The following CACNA1A variants were observed in gnomAD, a reference collection of about 807,000 sequenced individuals.
CACNA1A encodes the protein voltage-dependent P/Q-type calcium channel subunit alpha-1A.
Under a neutral mutation model 262.4 loss-of-function variants are expected in CACNA1A, and 57 were observed. The ratio of observed to expected loss-of-function variants is 0.22; its 90% confidence interval spans 0.18 to 0.27. The LOEUF is 0.27. CACNA1A is among the 10% of genes least tolerant of loss of function. The probability of loss-of-function intolerance (pLI) is 1.00; values close to 1 mark genes in which losing one functional copy is unlikely to be tolerated. For synonymous variants in CACNA1A, 1,431 were observed against 1,419.3 expected, an observed-to-expected ratio of 1.01 and a Z score of -0.18; for missense variants, 2,526 against 3,562.8, an observed-to-expected ratio of 0.71 and a Z score of 7.41.
At chr19:13,472,808 C>A (rs888974136) in intron 1 of CACNA1A, among the ~76,000 whole-genome samples, 1 of 152,168 alleles carries the variant, frequency 6.6e-6, no homozygotes, top group African/African-American at 2.4e-5. Flanking sequence ...TGCAGTGGTG[C>A]AATCATACCC....
At chr19:13,460,374 C>T (rs1488162496) in intron 1 of CACNA1A, among the ~76,000 whole-genome samples, 2 of 152,158 alleles carry the variant, frequency 1.3e-5, no homozygotes, top group Non-Finnish European at 2.9e-5. Flanking sequence ...AAGCTTTCTC[C>T]TCCACGTTCT....
intron 1 of CACNA1A, among the ~76,000 whole-genome samples, chr19:13,488,064 G>C (rs1980249461): frequency 6.6e-6 from 1 of 152,134 alleles, no homozygotes; most frequent in South Asian, 2.1e-4. Flanking sequence ...ATAGGTGTGA[G>C]CCACTGCATC....
In CACNA1A at chr19:13,253,050, C is replaced by T. The variant is rs943715197; in HGVS notation, c.4807G>A (p.Val1603Ile). Residue 1603 changes from valine to isoleucine, a missense_variant, in exon 30 of 47, where the codon GTC becomes ATC. Transcript: ENST00000360228. ...TCCAGAGAGAAGAGGGAGGTGAAGA[C>T]GATGTTGAACACCCGCAGGGCATTT... ...YENALRVFNI[V>I]FTSLFSLECV... is the part of the protein sequence containing the mutation. 9 of 1,613,586 alleles carry T rather than the reference C, an allele frequency of 5.6e-6. No homozygotes were observed. The highest frequency in any genetic ancestry group is 2.2e-5 in the South Asian group (2 of 91,078).
intron 3 of CACNA1A, among the ~76,000 whole-genome samples, chr19:13,418,373 C>A (rs58261828): frequency 6.6e-6 from 1 of 152,066 alleles, no homozygotes; most frequent in Admixed American, 6.6e-5. Flanking sequence ...GAATTCAAAG[C>A]GCATTCTGGC....
rs2058775223 is a variant in CACNA1A at position 13,346,639 on chromosome 19, TATATATATATATATATATATATA to T, written c.979-10753_979-10731del. Among the ~76,000 whole-genome samples the T allele has an allele frequency of 5.3e-3, 47 of 8,842 alleles. 3 individuals carry two copies. The highest frequency in any genetic ancestry group is 6.7e-3 in the Non-Finnish European group (30 of 4,460). The allele number at this position is 8,842 out of a possible 152,430, so 5.8% of individuals were successfully genotyped here. On this transcript the variant is annotated intron_variant, in intron 6 of 46. Transcript: ENST00000360228. ...GATTATATATATATATATATATATA[TATATATATATATATATATATATA>T]TATATTTTTTTTTTTTTTTTTTTTT...
intron 31 of CACNA1A, among the ~76,000 whole-genome samples, chr19:13,242,758 G>A (rs2056113563): frequency 6.6e-6 from 1 of 152,208 alleles, no homozygotes; most frequent in Non-Finnish European, 1.5e-5. Context: ...GGTGCTCAAT[G>A]AATGTCTTTT....
chr19:13,227,327 AAG>A (rs1407366591), intron 37 of CACNA1A, 102 bp downstream of exon 37: 3 of 540,764 alleles, frequency 5.5e-6, no homozygotes, highest in South Asian at 5.5e-5. Context: ...ACGTTGGAAA[AAG>A]AGAGTCGGCC....
chr19:13,278,768 G>A (rs1432559926), intron 22 of CACNA1A, among the ~76,000 whole-genome samples: 1 of 152,204 alleles, frequency 6.6e-6, no homozygotes, highest in Non-Finnish European at 1.5e-5. Flanking sequence ...GCTGTACTGG[G>A]TCCTGGAGGA....
rs149010388 is a variant in CACNA1A, at chr19:13,479,285, A to T, written c.294-24073T>A. 2.1e-3 allele frequency among the ~76,000 whole-genome samples: 313 copies of T among 152,306 alleles called. 4 individuals carry two copies. Among genetic ancestry groups the T allele is most frequent in the African/African-American group, 7.3e-3 (305 of 41,570 alleles). On this transcript the variant is annotated intron_variant, in intron 1 of 46. Transcript: ENST00000360228. ...GTAAGTAAGAAGGTGAAAAGTTCCA[A>T]AGGGGAAAATAAGGCAGAAGGGCGG...
chr19:13,451,839 T>A, intron 3 of CACNA1A: 1 of 146,614 alleles, frequency 6.8e-6, no homozygotes. Context: ...GCCTGTCAAC[T>A]AGGAACAATT....
At chr19:13,262,458 C>A in intron 25 of CACNA1A, 1 of 365,064 alleles carries the variant, frequency 2.7e-6, no homozygotes, top group South Asian at 4.5e-5. Context: ...CCTTTTAAAT[C>A]CATATGATGC....
chr19:13,224,824 C>T, intron 37 of CACNA1A, 52 bp from the exon 38 acceptor site: 1 of 1,361,484 alleles, frequency 7.3e-7, no homozygotes, highest in Non-Finnish European at 1.0e-6. Flanking sequence ...CCTCCTGGGT[C>T]TCCCGTGAGC....
intron 10 of CACNA1A, among the ~76,000 whole-genome samples, chr19:13,323,054 T>C (rs923082982): frequency 1.3e-5 from 2 of 152,118 alleles, no homozygotes; most frequent in African/African-American, 4.8e-5. Context: ...GGCAGATCAT[T>C]TGAGGTCAGG....
chr19:13,212,048 C>G lies in CACNA1A; in HGVS notation c.6303+55G>C, dbSNP rs1455218700. 4 of 1,320,666 alleles carry G rather than the reference C, an allele frequency of 3.0e-6. No individual in the cohort carries two copies. The African/African-American group carries it at 5.7e-5, about 19-fold the overall frequency. The allele number at this position is 1,320,666 out of a possible 1,614,324, so 81.8% of individuals were successfully genotyped here. ...TGGGCTGCTTGTGGGGGGGCCTGGC[C>G]CTACCCAGTGCAGAGTGAGGGGTCC... is the stretch of plus-strand genomic sequence containing the variant. On this transcript the variant is annotated intron_variant, in intron 43 of 46. Transcript: ENST00000360228. This position sits in a 1 kb window ranked among gnomAD's most constrained non-coding sequence, Gnocchi z 5.6.
In CACNA1A at chr19:13,286,810, G is replaced by A. The variant is rs556541935; in HGVS notation, c.3246C>T (p.His1082=). ...KLATAESAAP[H]GSLGHAGLPQ... ...GCAGGCCGGCGTGGCCAAGGCTGCC[G>A]TGGGGAGCGGCCGACTCCGCGGTGG... Residue 1082 remains histidine (H), a synonymous_variant, in exon 20 of 47, where the codon CAC becomes CAT. Transcript: ENST00000360228. The A allele has an allele frequency of 9.6e-5, 155 of 1,613,504 alleles. No individual in the cohort carries two copies. The highest frequency in any genetic ancestry group is 1.2e-4 in the Non-Finnish European group (140 of 1,179,754).
At chr19:13,469,751 G>A (rs1043653602) in intron 1 of CACNA1A, among the ~76,000 whole-genome samples, 9 of 151,198 alleles carry the variant, frequency 6.0e-5, no homozygotes, top group African/African-American at 2.2e-4. Flanking sequence ...GGGCCACCGC[G>A]CCCGGCTGAA....
chr19:13,458,594 G>A (rs2061058333), intron 1 of CACNA1A, among the ~76,000 whole-genome samples: 1 of 152,146 alleles, frequency 6.6e-6, no homozygotes, highest in Non-Finnish European at 1.5e-5. Context: ...AGTATCTCTA[G>A]ATGCCCCATT....
At chr19:13,489,986 C>G (rs907034573) in intron 1 of CACNA1A, among the ~76,000 whole-genome samples, 1 of 152,124 alleles carries the variant, frequency 6.6e-6, no homozygotes, top group Non-Finnish European at 1.5e-5. Flanking sequence ...CTTGGACTCC[C>G]TCTCTCTCCC....
intron 3 of CACNA1A, among the ~76,000 whole-genome samples, chr19:13,434,030 A>G (rs970031788): frequency 6.6e-6 from 1 of 152,190 alleles, no homozygotes; most frequent in Admixed American, 6.5e-5. Flanking sequence ...CAAGTCCTCT[A>G]GCTTTTCTGA....
Sources: gnomAD v4.1 joint callset for allele counts (sites outside exome capture counted in the v4.1 genomes callset) on GRCh38, gnomAD v4.1.1 for gene constraint, Gnocchi (gnomAD v3.1) non-coding constraint, MANE v1.5 for transcripts, NCBI Gene and HGNC (gene_info 2026-07-23, HGNC 2026-07-21) for gene names.